Variants in COL4A4 observed in about 807,000 individuals in gnomAD.
The protein encoded by COL4A4 is collagen alpha-4(IV) chain.
Under a neutral mutation model 192.9 loss-of-function variants are expected in COL4A4, and 105 were observed. That is an observed-to-expected ratio of 0.54 (90% CI 0.46 to 0.64). The LOEUF (loss-of-function observed/expected upper bound fraction) is 0.64, where lower values mean the gene tolerates loss of function less well. Among genes scored for constraint, COL4A4 ranks in the 30% least tolerant of loss-of-function variants. COL4A4 has a pLI of 0.00. For missense variants in COL4A4, 1,967 were observed against 2,169.3 expected, an observed-to-expected ratio of 0.91 and a Z score of 1.85; for synonymous variants, 762 against 769.9, an observed-to-expected ratio of 0.99 and a Z score of 0.17.
chr2:227,067,123 C>A (rs2058392039), intron 25 of COL4A4, among the ~76,000 whole-genome samples: 1 of 152,012 alleles, frequency 6.6e-6, no homozygotes, highest in Non-Finnish European at 1.5e-5. Flanking sequence ...ACAAAGAAGG[C>A]CATTACATAA....
Position 227,023,483 on chromosome 2 carries a change from T to A in COL4A4, c.4091-1310A>T, listed in dbSNP as rs376241951. On this transcript the variant is annotated intron_variant, in intron 43 of 47. Transcript: ENST00000396625. ...AAAAAGAAAACCACTATACTAAAGATGTGAGATTTTTTTCTTTTACTTTCA... is the reference window on the plus strand; with the variant it reads ...AAAAAGAAAACCACTATACTAAAGAAGTGAGATTTTTTTCTTTTACTTTCA... 3.3e-5 allele frequency among the ~76,000 whole-genome samples: 5 copies of A among 150,594 alleles called. No individual in the cohort carries two copies. The East Asian group carries it at 7.8e-4, about 23-fold the overall frequency.
intron 45 of COL4A4, among the ~76,000 whole-genome samples, chr2:227,010,964 C>T (rs994706760): frequency 3.9e-5 from 6 of 152,202 alleles, no homozygotes; most frequent in Non-Finnish European, 8.8e-5. Context: ...CAGACCTCTT[C>T]CCTGGTTCCA....
chr2:227,048,928 C>T (rs1973471017), intron 34 of COL4A4, among the ~76,000 whole-genome samples: 1 of 152,118 alleles, frequency 6.6e-6, no homozygotes, highest in Non-Finnish European at 1.5e-5. Context: ...CCACACAGGT[C>T]ATGTTTGTTA....
At chr2:226,988,546 C>T in the COL4A4 span, 1 of 1,438,602 alleles carries the variant, frequency 7.0e-7, no homozygotes, top group Non-Finnish European at 9.1e-7. Flanking sequence ...CAGGCTGGCC[C>T]TCTCTGCGGA....
chr2:227,143,150 T>C (rs1233193877), intron 3 of COL4A4, among the ~76,000 whole-genome samples: 1 of 152,228 alleles, frequency 6.6e-6, no homozygotes, highest in Non-Finnish European at 1.5e-5. Flanking sequence ...TTTCACATAA[T>C]TGAAAGTCTT....
At chr2:227,081,222 T>A (rs2059307176) in intron 23 of COL4A4, among the ~76,000 whole-genome samples, 1 of 152,018 alleles carries the variant, frequency 6.6e-6, no homozygotes, top group African/African-American at 2.4e-5. Context: ...AACATTTGAG[T>A]CAGTGGACTG....
Position 227,111,717 on chromosome 2 carries a change from C to G in COL4A4, c.559-4G>C. 1 of 1,613,822 alleles carries G rather than the reference C, an allele frequency of 6.2e-7. No homozygotes were observed. Among genetic ancestry groups the G allele is most frequent in the Non-Finnish European group, 8.5e-7 (1 of 1,179,812 alleles). On this transcript the variant is annotated splice_region_variant and splice_polypyrimidine_tract_variant and intron_variant, in intron 8 of 47. Transcript: ENST00000396625. ...GTCCTGGGTCCCCTCTGTCTCCCTGCAAAAATAAGAATGCATTGCTTTAAG... is the reference window on the plus strand; with the variant it reads ...GTCCTGGGTCCCCTCTGTCTCCCTGGAAAAATAAGAATGCATTGCTTTAAG...
At chr2:227,130,398 G>T (rs1272954220) in intron 4 of COL4A4, among the ~76,000 whole-genome samples, 2 of 152,188 alleles carry the variant, frequency 1.3e-5, no homozygotes, top group East Asian at 3.9e-4. Context: ...TGCGTCTTCT[G>T]CGGGGCCTAA....
At chr2:227,011,695 T>G (rs78372978) in intron 45 of COL4A4, among the ~76,000 whole-genome samples, 62 of 152,350 alleles carry the variant, frequency 4.1e-4, no homozygotes, top group African/African-American at 1.5e-3. Flanking sequence ...TTTTTTTCTT[T>G]TAAGAAAGAG....
At chr2:227,022,252 G>A in intron 43 of COL4A4, 79 bp from the exon 44 acceptor site, 1 of 1,539,172 alleles carries the variant, frequency 6.5e-7, no homozygotes, top group Admixed American at 1.7e-5. Flanking sequence ...GGTTAAAGTT[G>A]GACTTCTGAC....
At chr2:227,164,358 C>T (rs1186612120), upstream of COL4A4, 16 of 375,008 alleles carry the variant, frequency 4.3e-5, no homozygotes. This position sits in a 1 kb window ranked among gnomAD's most constrained non-coding sequence, Gnocchi z 4.8. Flanking sequence ...CCGCCTGGGC[C>T]CCCGGACCTT....
chr2:226,990,853 A>T, the COL4A4 span, among the ~76,000 whole-genome samples: 1 of 152,168 alleles, frequency 6.6e-6, no homozygotes, highest in Non-Finnish European at 1.5e-5. Flanking sequence ...ATTGACAAAA[A>T]CACAGAGGCA....
At chr2:227,026,810 G>C (rs556648822) in intron 42 of COL4A4, among the ~76,000 whole-genome samples, 1 of 152,042 alleles carries the variant, frequency 6.6e-6, no homozygotes, top group Non-Finnish European at 1.5e-5. Context: ...TCCTAGGAAC[G>C]AATGGAATTT....
At chr2:227,001,579 A>G (rs1960970311), downstream of COL4A4, among the ~76,000 whole-genome samples, 2 of 152,162 alleles carry the variant, frequency 1.3e-5, no homozygotes, top group Non-Finnish European at 2.9e-5. Context: ...ACGAATGGGG[A>G]AAGCCGCTGG....
At chr2:226,973,168 C>T in the COL4A4 span, among the ~76,000 whole-genome samples, 9 of 152,100 alleles carry the variant, frequency 5.9e-5, no homozygotes, top group Non-Finnish European at 1.0e-4. Flanking sequence ...TGTGTGTGTA[C>T]GGAACTATAT....
chr2:227,060,101 G>GAAAAAAAAAAAACAAAA, intron 27 of COL4A4, 35 bp downstream of exon 27: 1 of 503,760 alleles, frequency 2.0e-6, no homozygotes. Flanking sequence ...TCCCAAAGCA[G>GAAAAAAAAAAAACAAAA]AAAAAAAAAA....
chr2:227,012,147 G>C (rs200135417), intron 45 of COL4A4, 34 bp downstream of exon 45: 1 of 1,488,924 alleles, frequency 6.7e-7, no homozygotes, highest in South Asian at 1.1e-5. Flanking sequence ...AAGGTTTACA[G>C]TGTCAGAGAA....
rs200579733 is a variant in COL4A4, at chr2:227,091,468, G to GAT, written c.1370-1513_1370-1512dup. On this transcript the variant is annotated intron_variant, in intron 20 of 47. Coordinates refer to ENST00000396625, the MANE Select transcript of COL4A4 (RefSeq NM_000092.5). ...TGTAGGATTGATTTTCTGACAGATA[G>GAT]ATAGAGTACAGAAAGAGAAAAAAGA... Among the ~76,000 whole-genome samples, 1,472 of 149,304 alleles carry GAT rather than the reference G, an allele frequency of 9.9e-3. 26 individuals carry two copies. Among genetic ancestry groups the GAT allele is most frequent in the African/African-American group, 0.034 (1,392 of 40,430 alleles).
At chr2:227,065,490 T>C (rs1450884709) in intron 25 of COL4A4, among the ~76,000 whole-genome samples, 1 of 152,166 alleles carries the variant, frequency 6.6e-6, no homozygotes, top group East Asian at 1.9e-4. Context: ...TCTGACAGCT[T>C]TGAAGAGAGC....
Sources: gnomAD v4.1 joint callset for allele counts (sites outside exome capture counted in the v4.1 genomes callset) on GRCh38, gnomAD v4.1.1 for gene constraint, Gnocchi (gnomAD v3.1) non-coding constraint, MANE v1.5 for transcripts, NCBI Gene and HGNC (gene_info 2026-07-23, HGNC 2026-07-21) for gene names.